RHPN2: variants seen among roughly 807,000 people sequenced by gnomAD.
RHPN2 encodes the protein rhophilin Rho GTPase binding protein 2.
A neutral mutation model predicts 79.0 loss-of-function variants in RHPN2; 40 were observed. That is an observed-to-expected ratio of 0.51 (90% CI 0.39 to 0.66). RHPN2 has a LOEUF of 0.66. Among genes scored for constraint, RHPN2 ranks in the 30% least tolerant of loss-of-function variants. RHPN2 has a pLI of 0.00. For synonymous variants in RHPN2, 285 were observed against 363.5 expected (o/e 0.78, Z 2.46); for missense variants, 686 against 883.5 (o/e 0.78, Z 2.83).
intron 10 of RHPN2, among the ~76,000 whole-genome samples, chr19:32,997,194 C>G (rs987599107): frequency 6.6e-6 from 1 of 152,174 alleles, no homozygotes; most frequent in Non-Finnish European, 1.5e-5. Context: ...TCACCGCGCC[C>G]AGCCCAAGCC....
intron 14 of RHPN2, among the ~76,000 whole-genome samples, chr19:32,980,801 G>A (rs1158297095): frequency 2.6e-5 from 4 of 151,964 alleles, no homozygotes; most frequent in Non-Finnish European, 5.9e-5. Context: ...CTCTAGGTGT[G>A]CACCACCAGG....
chr19:33,041,602 G>T (rs115918494), intron 2 of RHPN2, among the ~76,000 whole-genome samples: 7,247 of 152,164 alleles, frequency 0.048, 505 homozygotes, highest in African/African-American at 0.16. Flanking sequence ...GACTGCTGTT[G>T]TCGTTAAGAG....
intron 1 of RHPN2, among the ~76,000 whole-genome samples, chr19:33,045,480 AT>A (rs1006598288): frequency 1.5e-3 from 209 of 142,432 alleles, no homozygotes; most frequent in Non-Finnish European, 1.4e-3. Flanking sequence ...GTGCTATCTG[AT>A]TTTTTTTTTT....
Position 33,064,802 on chromosome 19 carries a change from G to T in RHPN2, c.51C>A (p.Asn17Lys), listed in dbSNP as rs1345685342. ...CGCCCACCTTCCGAAAGTAGCCGTCGTTCTCCTTCTCCAGCGGCTGGGGGG... is the reference window on the plus strand; with the variant it reads ...CGCCCACCTTCCGAAAGTAGCCGTCTTTCTCCTTCTCCAGCGGCTGGGGGG... The part of the protein sequence containing the change: ...PAAPQPLEKE[N>K]DGYFRKGCNP... The change falls in exon 1 of 15, where the codon AAC becomes AAA. Residue 17 changes from asparagine to lysine, a missense_variant. By Grantham distance (94) the Asn-to-Lys change is moderately conservative. Transcript: ENST00000254260. 3.5e-6 allele frequency: 5 copies of T among 1,433,426 alleles called. No homozygotes were observed. In the Admixed American group the frequency reaches 8.8e-5, roughly 25 times the overall value. 88.8% of individuals were successfully genotyped at this position (1,433,426 alleles called of 1,614,324 possible).
chr19:32,995,340 G>T (rs1212965204), intron 11 of RHPN2, among the ~76,000 whole-genome samples: 1 of 151,658 alleles, frequency 6.6e-6, no homozygotes, highest in Non-Finnish European at 1.5e-5. Context: ...GCCTCCCAAA[G>T]TGCTGAGATT....
intron 1 of RHPN2, among the ~76,000 whole-genome samples, chr19:33,062,411 G>A (rs1568329667): frequency 2.6e-5 from 4 of 151,658 alleles, no homozygotes; most frequent in African/African-American, 7.3e-5. Flanking sequence ...GCAGTGAGCC[G>A]AGATCGCGCC....
chr19:32,980,276 A>G lies in RHPN2; in HGVS notation c.1801-20T>C, dbSNP rs534782833. ...ATTATGCTGCACATAGAAAAGTAAGAAAAAGGGCGTCAGGCATCATCAAGA... is the reference window on the plus strand; with the variant it reads ...ATTATGCTGCACATAGAAAAGTAAGGAAAAGGGCGTCAGGCATCATCAAGA... On this transcript the variant is annotated intron_variant, in intron 14 of 14. Coordinates refer to ENST00000254260, the MANE Select transcript of RHPN2 (RefSeq NM_033103.5). The G allele has an allele frequency of 6.2e-6, 10 of 1,613,830 alleles. No individual in the cohort carries two copies. The East Asian group carries it at 2.2e-4, about 36-fold the overall frequency.
intron 1 of RHPN2, among the ~76,000 whole-genome samples, chr19:33,045,877 A>T (rs1203290692): frequency 2.0e-5 from 3 of 152,196 alleles, no homozygotes; most frequent in Non-Finnish European, 4.4e-5. Flanking sequence ...GCCCTAGGCA[A>T]CCACCAATCT....
intron 2 of RHPN2, among the ~76,000 whole-genome samples, chr19:33,028,722 C>G (rs547439980): frequency 1.1e-4 from 17 of 152,196 alleles, no homozygotes; most frequent in South Asian, 2.1e-4. Context: ...TCCCACTAAC[C>G]TTTTTAATAG....
rs1254519720 is a variant in RHPN2, at chr19:32,990,689, A to G, written c.1645-20T>C. The stretch of plus-strand genomic sequence containing the variant: ...TGCCACCTGAAAAAGTATTGTTGAA[A>G]TTAAGTCAACGTTTTGTTCACTCAA... On this transcript the variant is annotated intron_variant, in intron 13 of 14. Transcript: ENST00000254260. The G allele has an allele frequency of 6.2e-7, 1 of 1,613,736 alleles. No homozygotes were observed. The highest frequency in any genetic ancestry group is 8.5e-7 in the Non-Finnish European group (1 of 1,179,782).
intron 2 of RHPN2, among the ~76,000 whole-genome samples, chr19:33,038,984 C>T (rs1419762019): frequency 1.3e-5 from 2 of 151,932 alleles, no homozygotes; most frequent in African/African-American, 4.8e-5. Context: ...TAAAGTAATA[C>T]ATGTGTATGT....
At chr19:33,042,477 G>C (rs1972108312) in intron 2 of RHPN2, among the ~76,000 whole-genome samples, 1 of 152,154 alleles carries the variant, frequency 6.6e-6, no homozygotes, top group South Asian at 2.1e-4. Flanking sequence ...TTGGGATAGG[G>C]ACACTGCTTG....
At chr19:33,038,491 T>C (rs1205244086) in intron 2 of RHPN2, among the ~76,000 whole-genome samples, 3 of 152,078 alleles carry the variant, frequency 2.0e-5, no homozygotes, top group East Asian at 3.9e-4. Context: ...TTATTATTTA[T>C]GTATTTATTT....
In RHPN2 at chr19:32,981,263, C is replaced by T. The variant is rs78704577; in HGVS notation, c.1801-1007G>A. 1.4e-4 allele frequency among the ~76,000 whole-genome samples: 22 copies of T among 151,918 alleles called. 1 individual carries two copies. The highest frequency in any genetic ancestry group is 4.8e-4 in the African/African-American group (20 of 41,430). On this transcript the variant is annotated intron_variant, in intron 14 of 14. Transcript: ENST00000254260. ...ACGAATATGAAAGTACAGGGTGGGG[C>T]GCGGTGGCTCACAACTACAGTCCCA...
chr19:33,044,185 C>A, intron 2 of RHPN2, 64 bp downstream of exon 2: 1 of 1,256,990 alleles, frequency 8.0e-7, no homozygotes, highest in South Asian at 1.2e-5. Flanking sequence ...AAGAGCCTGG[C>A]CTGGGAGTTT....
intron 14 of RHPN2, among the ~76,000 whole-genome samples, chr19:32,980,877 G>T (rs576139092): frequency 6.6e-6 from 1 of 151,750 alleles, no homozygotes; most frequent in Admixed American, 6.6e-5. Context: ...TCACTCTGTC[G>T]CCCAGGCTGG....
chr19:32,994,483 A>G (rs577033970), intron 11 of RHPN2, among the ~76,000 whole-genome samples: 1 of 152,240 alleles, frequency 6.6e-6, no homozygotes, highest in South Asian at 2.1e-4. Context: ...AAGTAGCAGA[A>G]GAAGATGGAA....
chr19:33,056,055 G>A (rs1424719602), intron 1 of RHPN2, among the ~76,000 whole-genome samples: 1 of 151,704 alleles, frequency 6.6e-6, no homozygotes, highest in African/African-American at 2.4e-5. Context: ...AATGGCCCTG[G>A]GGAAAGGCTT....
At chr19:33,055,142 G>T (rs890486332) in intron 1 of RHPN2, among the ~76,000 whole-genome samples, 1 of 152,100 alleles carries the variant, frequency 6.6e-6, no homozygotes, top group East Asian at 1.9e-4. Flanking sequence ...TTGAGGCCAG[G>T]AGTTGAAGAC....
Sources: allele counts gnomAD v4.1 joint callset (sites outside exome capture counted in the v4.1 genomes callset), GRCh38; gene constraint gnomAD v4.1.1; transcripts MANE v1.5; gene names NCBI Gene and HGNC (gene_info 2026-07-23, HGNC 2026-07-21).